Variants in SEMA6A observed in about 807,000 individuals in gnomAD.
SEMA6A encodes semaphorin 6A, also known as semaphorin-6A.
Under a neutral mutation model 96.8 loss-of-function variants are expected in SEMA6A, and 25 were observed. The ratio of observed to expected loss-of-function variants is 0.26; its 90% CI spans 0.19 to 0.36. SEMA6A has a LOEUF of 0.36. SEMA6A is among the 10% of genes least tolerant of loss of function. The pLI, the probability that SEMA6A is intolerant of heterozygous loss-of-function variation, is 1.00. For synonymous variants in SEMA6A, 612 were observed against 518.0 expected, an observed-to-expected ratio of 1.18 and a Z score of -2.46; for missense variants, 1,363 against 1,323.1, an observed-to-expected ratio of 1.03 and a Z score of -0.47.
At chr5:116,452,984 A>G (rs1393827752) in intron 18 of SEMA6A, among the ~76,000 whole-genome samples, 1 of 152,210 alleles carries the variant, frequency 6.6e-6, no homozygotes, top group African/African-American at 2.4e-5. Context: ...CTATGTCATG[A>G]GTTACATCAC....
rs905260314 is a variant in SEMA6A at position 116,445,385 on chromosome 5, G to A, written c.*1228C>T. ...CCGTGTGATCAAATCATTAATTTAT[G>A]CAAGGTAGCAGCCAGCATATTAGTT... On this transcript the variant is annotated 3_prime_UTR_variant, in exon 19 of 19. Coordinates refer to ENST00000343348, the MANE Select transcript of SEMA6A (RefSeq NM_020796.5). The A allele has an allele frequency of 6.6e-6, 1 of 152,634 alleles. No individual in the cohort carries two copies. Among genetic ancestry groups the A allele is most frequent in the Non-Finnish European group, 1.5e-5 (1 of 68,024 alleles). 9.5% of individuals were successfully genotyped at this position (152,634 alleles called of 1,614,324 possible).
At chr5:116,483,888 A>AC (rs1164536529) in intron 10 of SEMA6A, among the ~76,000 whole-genome samples, 13 of 151,946 alleles carry the variant, frequency 8.6e-5, no homozygotes, top group South Asian at 2.1e-4. Flanking sequence ...ACATGGTGAA[A>AC]CCCCGTCTCT....
intron 18 of SEMA6A, chr5:116,449,245 A>T (rs1754475818): frequency 1.4e-6 from 1 of 697,918 alleles, no homozygotes; most frequent in African/African-American, 1.8e-5. Context: ...AATACATTAG[A>T]GGCACTGCAT....
intron 1 of SEMA6A, among the ~76,000 whole-genome samples, chr5:116,506,151 A>G (rs1206019086): frequency 6.6e-6 from 1 of 152,228 alleles, no homozygotes; most frequent in Non-Finnish European, 1.5e-5. Context: ...CTGCTAACTT[A>G]CGCTTTTTGG....
chr5:116,458,508 G>C (rs1210108180), intron 18 of SEMA6A, among the ~76,000 whole-genome samples: 1 of 152,054 alleles, frequency 6.6e-6, no homozygotes, highest in Non-Finnish European at 1.5e-5. Context: ...CCTCTAGAAG[G>C]TGAATTGATT....
At chr5:116,556,664 C>T (rs1760619660) in intron 1 of SEMA6A, among the ~76,000 whole-genome samples, 1 of 152,194 alleles carries the variant, frequency 6.6e-6, no homozygotes, top group Admixed American at 6.5e-5. Flanking sequence ...TCTATCATAA[C>T]ACCCCTCTAG....
intron 1 of SEMA6A, among the ~76,000 whole-genome samples, chr5:116,516,766 G>A (rs905165799): frequency 1.1e-4 from 17 of 152,112 alleles, no homozygotes; most frequent in African/African-American, 3.6e-4. Flanking sequence ...CAAACATCCT[G>A]AAAATATGCT....
At chr5:116,482,358 G>T in intron 11 of SEMA6A, 86 bp downstream of exon 11, 1 of 1,416,106 alleles carries the variant, frequency 7.1e-7, no homozygotes, top group Non-Finnish European at 9.6e-7. Context: ...AGGCACTGGT[G>T]CGCAGTTCAT....
At chr5:116,492,291 G>GT (rs1757368281) in intron 6 of SEMA6A, 1 of 149,416 alleles carries the variant, frequency 6.7e-6, no homozygotes, top group South Asian at 2.1e-4. Flanking sequence ...TCTTTATAAT[G>GT]TAACTAACCT....
At chr5:116,510,168 A>G (rs1393211074) in intron 1 of SEMA6A, among the ~76,000 whole-genome samples, 4 of 152,192 alleles carry the variant, frequency 2.6e-5, no homozygotes, top group Admixed American at 6.5e-5. Context: ...TCTCAACTTC[A>G]GGACCCAGTT....
intron 6 of SEMA6A, among the ~76,000 whole-genome samples, chr5:116,494,424 G>C (rs139286002): frequency 8.0e-4 from 122 of 152,318 alleles, no homozygotes; most frequent in African/African-American, 2.7e-3. Flanking sequence ...TCACAGATGT[G>C]ATCCCTGCCC....
chr5:116,457,499 A>C (rs1287374890), intron 18 of SEMA6A, among the ~76,000 whole-genome samples: 2 of 152,166 alleles, frequency 1.3e-5, no homozygotes, highest in Admixed American at 1.3e-4. Flanking sequence ...GCATCCTTTT[A>C]AAAAATATGA....
chr5:116,506,423 A>C (rs993761928), intron 1 of SEMA6A, among the ~76,000 whole-genome samples: 1 of 152,222 alleles, frequency 6.6e-6, no homozygotes, highest in Admixed American at 6.5e-5. Flanking sequence ...TTACTTGTTC[A>C]TAAGGGTGAA....
Position 116,504,833 on chromosome 5 carries a change from A to C in SEMA6A, c.100+12T>G, listed in dbSNP as rs777316334. ...TCAAAGGGAGACACTGAGTGAGACC[A>C]TGGGTACTTACAGTTGCCATGCGAA... is the stretch of plus-strand genomic sequence containing the variant. On this transcript the variant is annotated intron_variant, in intron 2 of 18. Transcript: ENST00000343348. The C allele has an allele frequency of 5.7e-6, 9 of 1,579,060 alleles. No individual in the cohort carries two copies. Among genetic ancestry groups the C allele is most frequent in the African/African-American group, 2.7e-5 (2 of 74,252 alleles).
chr5:116,534,332 G>A (rs73780327), intron 1 of SEMA6A, among the ~76,000 whole-genome samples: 13,513 of 152,146 alleles, frequency 0.089, 1,056 homozygotes, highest in African/African-American at 0.22. Flanking sequence ...CTCACCTTCA[G>A]TGCTTCCCAC....
At chr5:116,530,049 T>C (rs1026149919) in intron 1 of SEMA6A, among the ~76,000 whole-genome samples, 1 of 152,150 alleles carries the variant, frequency 6.6e-6, no homozygotes. Context: ...AATTAGGCAT[T>C]AATTGAACGA....
Position 116,475,610 on chromosome 5 carries a change from A to G in SEMA6A, c.1650-7T>C. 6.9e-6 allele frequency: 11 copies of G among 1,592,984 alleles called. No homozygotes were observed. Among genetic ancestry groups the G allele is most frequent in the Non-Finnish European group, 9.4e-6 (11 of 1,168,436 alleles). ...GTCCTGCTCAAAAGTCAGTCTTTTA[A>G]AAAAGGAAGGGAAAGAGAGACAGAA... On this transcript the variant is annotated splice_region_variant and splice_polypyrimidine_tract_variant and intron_variant, in intron 15 of 18. Transcript: ENST00000343348.
intron 10 of SEMA6A, 112 bp from the exon 11 acceptor site, chr5:116,482,687 A>G (rs999409656): frequency 1.0e-6 from 1 of 995,922 alleles, no homozygotes; most frequent in Non-Finnish European, 1.5e-6. Context: ...TAAAGTTCAT[A>G]CCTTGGACAC....
chr5:116,479,799 A>C (rs1460083107), intron 12 of SEMA6A, among the ~76,000 whole-genome samples: 7 of 152,230 alleles, frequency 4.6e-5, no homozygotes. Context: ...TCAGGTATCC[A>C]CATCCATTCA....
Sources: allele counts gnomAD v4.1 joint callset (sites outside exome capture counted in the v4.1 genomes callset), GRCh38; gene constraint gnomAD v4.1.1; transcripts MANE v1.5; gene names NCBI Gene and HGNC (gene_info 2026-07-23, HGNC 2026-07-21).